Variants in SYT3 observed in about 807,000 individuals in gnomAD.
SYT3 encodes the protein synaptotagmin 3, also known as synaptotagmin-3.
SYT3 carries 25 observed loss-of-function variants against 50.6 expected under a neutral mutation model. That is an observed-to-expected ratio of 0.49 (90% CI 0.36 to 0.69). The LOEUF is 0.69. SYT3 is among the 30% of genes least tolerant of loss of function. The probability of loss-of-function intolerance (pLI) is 0.00; values close to 1 mark genes in which losing one functional copy is unlikely to be tolerated. For missense variants in SYT3, 589 were observed against 793.6 expected (o/e 0.74, Z 3.10); for synonymous variants, 323 against 353.9 (o/e 0.91, Z 0.98).
intron 6 of SYT3, among the ~76,000 whole-genome samples, chr19:50,626,566 C>T (rs1984076166): frequency 7.3e-6 from 1 of 137,486 alleles, no homozygotes; most frequent in South Asian, 2.4e-4. Flanking sequence ...GACAGAAGCC[C>T]AGAGAGAGAG....
upstream of SYT3, among the ~76,000 whole-genome samples, chr19:50,643,626 A>T (rs142861603): frequency 6.6e-6 from 1 of 152,106 alleles, no homozygotes; most frequent in Non-Finnish European, 1.5e-5. Context: ...CAGGAGACAG[A>T]GATAGAATCT....
At chr19:50,635,928 C>G (rs762200101) in intron 3 of SYT3, among the ~76,000 whole-genome samples, 9 of 152,170 alleles carry the variant, frequency 5.9e-5, no homozygotes, top group Non-Finnish European at 8.8e-5. Context: ...CAGTCTGTAT[C>G]CTTTCACTGT....
intron 4 of SYT3, 103 bp from the exon 5 acceptor site, chr19:50,630,274 A>C: frequency 8.0e-7 from 1 of 1,251,138 alleles, no homozygotes; most frequent in Non-Finnish European, 1.1e-6. Flanking sequence ...CCCATCCCCC[A>C]GCCAGGTGGC....
chr19:50,644,401 G>A (rs1232826483), upstream of SYT3, among the ~76,000 whole-genome samples: 1 of 152,104 alleles, frequency 6.6e-6, no homozygotes, highest in Admixed American at 6.6e-5. Flanking sequence ...GATAGATGAA[G>A]AGTTAGAGTG....
chr19:50,646,791 G>A, the SYT3 span, among the ~76,000 whole-genome samples: 1 of 151,970 alleles, frequency 6.6e-6, no homozygotes, highest in African/African-American at 2.4e-5. Context: ...ACAGAAATAA[G>A]GTGGGATGTG....
the SYT3 span, among the ~76,000 whole-genome samples, chr19:50,647,371 G>A: frequency 6.6e-5 from 10 of 151,940 alleles, no homozygotes; most frequent in African/African-American, 2.2e-4. Context: ...GAATGAGGGC[G>A]AGAGAATGGA....
At chr19:50,641,439 G>T (rs1229867248), upstream of SYT3, among the ~76,000 whole-genome samples, 1 of 151,426 alleles carries the variant, frequency 6.6e-6, no homozygotes, top group Non-Finnish European at 1.5e-5. Context: ...AAAGTGCTGG[G>T]ATTACAGACG....
rs1306455055 is a variant in SYT3 at position 50,630,046 on chromosome 19, A to G, written c.800T>C (p.Ile267Thr). The change falls in exon 5 of 11, where the codon ATT becomes ACT. Residue 267 changes from isoleucine to threonine, a missense_variant. Transcript: ENST00000600079. ...GTACAGCTCTGGCTTAATCTGCCCAATGAGTTTGGCTTTTTCCTCGCCTCC... is the reference window on the plus strand; with the variant it reads ...GTACAGCTCTGGCTTAATCTGCCCAGTGAGTTTGGCTTTTTCCTCGCCTCC... ...LPGGEEKAKL[I>T]GQIKPELYQG... is the part of the protein sequence containing the mutation. 15 of 1,613,800 alleles carry G rather than the reference A, an allele frequency of 9.3e-6. No homozygotes were observed. The highest frequency in any genetic ancestry group is 2.2e-5 in the East Asian group (1 of 44,880).
At chr19:50,630,261 C>T (rs1305613541) in intron 4 of SYT3, 90 bp from the exon 5 acceptor site, 3 of 1,323,032 alleles carry the variant, frequency 2.3e-6, no homozygotes, top group Non-Finnish European at 3.0e-6. Context: ...CCCTGCCTTT[C>T]CCCCCATCCC....
chr19:50,648,231 C>A, the SYT3 span, among the ~76,000 whole-genome samples: 3 of 152,040 alleles, frequency 2.0e-5, no homozygotes, highest in African/African-American at 4.8e-5. Context: ...AGGGGAAAAA[C>A]CCTGTTTTCT....
chr19:50,641,113 C>G (rs1254206554), upstream of SYT3, among the ~76,000 whole-genome samples: 1 of 149,380 alleles, frequency 6.7e-6, no homozygotes, highest in Admixed American at 6.6e-5. Flanking sequence ...GTGGCGTGCA[C>G]CTGTAGTCCC....
At chr19:50,629,217 T>C in intron 6 of SYT3, 77 bp downstream of exon 6, 1 of 1,191,514 alleles carries the variant, frequency 8.4e-7, no homozygotes, top group Non-Finnish European at 1.2e-6. Context: ...AGTTATGAAC[T>C]CTGAGGGCAG....
At chr19:50,651,790 T>G in the SYT3 span, among the ~76,000 whole-genome samples, 1 of 152,198 alleles carries the variant, frequency 6.6e-6, no homozygotes, top group Non-Finnish European at 1.5e-5. Context: ...TATGTTAATT[T>G]AATTACACAT....
In SYT3 at chr19:50,637,450, A is replaced by C; in HGVS notation, c.-15-24T>G. On this transcript the variant is annotated intron_variant, in intron 2 of 10. Transcript: ENST00000600079. This position sits in a 1 kb window ranked among gnomAD's most constrained non-coding sequence, Gnocchi z 4.9. ...TCCTGTGTGTGGGAGGGATGGGGCA[A>C]GGGTGCAGATGGGAAACAGAATGGG... The C allele has an allele frequency of 6.4e-7, 1 of 1,571,460 alleles. No individual in the cohort carries two copies.
the SYT3 span, among the ~76,000 whole-genome samples, chr19:50,653,055 G>A: frequency 1.3e-5 from 2 of 151,932 alleles, no homozygotes; most frequent in Admixed American, 1.3e-4. Flanking sequence ...ATTTTATTTT[G>A]GCACTAGAGT....
At chr19:50,647,368 G>T in the SYT3 span, among the ~76,000 whole-genome samples, 1 of 151,974 alleles carries the variant, frequency 6.6e-6, no homozygotes, top group Non-Finnish European at 1.5e-5. Context: ...GAGGAATGAG[G>T]GCGAGAGAAT....
At chr19:50,638,755 G>A (rs1011481544) in intron 2 of SYT3, among the ~76,000 whole-genome samples, 33 of 149,714 alleles carry the variant, frequency 2.2e-4, no homozygotes, top group African/African-American at 8.0e-4. Context: ...AGAGATCGCA[G>A]ATAGACAAAA....
chr19:50,637,533 G>A lies in SYT3; in HGVS notation c.-15-107C>T. The A allele has an allele frequency of 1.0e-6, 1 of 973,792 alleles. No homozygotes were observed. The allele number at this position is 973,792 out of a possible 1,614,324, so 60.3% of individuals were successfully genotyped here. A position where few individuals can be genotyped will look rare whatever the true frequency, so the allele number is the denominator to read the frequency against. ...GGAAAGAGACACCGAGAAAAGGAAG[G>A]ATGGGCAAAGGGGACAGAGATTAGG... On this transcript the variant is annotated intron_variant, in intron 2 of 10. Transcript: ENST00000600079. The surrounding 1 kb of genome is among the most constrained non-coding windows in gnomAD (Gnocchi z 4.9).
Position 50,632,698 on chromosome 19 carries a change from C to T in SYT3, c.262G>A (p.Gly88Ser), listed in dbSNP as rs759472318. 1.3e-6 allele frequency: 2 copies of T among 1,591,176 alleles called. No individual in the cohort carries two copies. Among genetic ancestry groups the T allele is most frequent in the Admixed American group, 3.4e-5 (2 of 58,472 alleles). ...LCWVPWRDKG[G>S]SAVGGGPLRK... Reference sequence around the variant, plus strand: ...AGGGGGCCACCGCCCACTGCCGAGCCTCCCTTGTCCCGCCAGGGCACCCAG... The same window carrying T: ...AGGGGGCCACCGCCCACTGCCGAGCTTCCCTTGTCCCGCCAGGGCACCCAG... The change falls in exon 4 of 11, where the codon GGC becomes AGC. Residue 88 changes from glycine (G) to serine (S), a missense_variant. This residue lies in a region of SYT3 where 316 missense variants were observed against 354.3 expected (regional missense o/e 0.89). Coordinates refer to ENST00000600079, the MANE Select transcript of SYT3 (RefSeq NM_001160329.2). This position sits in a 1 kb window ranked among gnomAD's most constrained non-coding sequence, Gnocchi z 4.7.
Sources: gnomAD v4.1 joint callset for allele counts (sites outside exome capture counted in the v4.1 genomes callset) on GRCh38, gnomAD v4.1.1 for gene constraint, gnomAD v4.1.1 regional missense constraint, Gnocchi (gnomAD v3.1) non-coding constraint, MANE v1.5 for transcripts, NCBI Gene and HGNC (gene_info 2026-07-23, HGNC 2026-07-21) for gene names.